Variants in NFIC observed in about 807,000 individuals in gnomAD.
The protein encoded by NFIC is nuclear factor 1 C-type.
Under a neutral mutation model 54.4 loss-of-function variants are expected in NFIC, and 12 were observed. The observed-to-expected ratio is 0.22, with a 90% CI of 0.14 to 0.36. NFIC has a LOEUF of 0.36. Among genes scored for constraint, NFIC ranks in the 10% least tolerant of loss-of-function variants. The probability of loss-of-function intolerance (pLI) is 1.00; values close to 1 mark genes in which losing one functional copy is unlikely to be tolerated. For missense variants in NFIC, 575 were observed against 718.2 expected (o/e 0.80, Z 2.28); for synonymous variants, 322 against 319.2 (o/e 1.01, Z -0.09).
chr19:3,447,992 CCGCCTGGGTT>C (rs2082398136), intron 6 of NFIC, among the ~76,000 whole-genome samples: 1 of 152,238 alleles, frequency 6.6e-6, no homozygotes, highest in African/African-American at 2.4e-5. Context: ...GCAACCTCTG[CCGCCTGGGTT>C]CAAGCGATTC....
At chr19:3,402,126 A>G (rs745389137) in intron 2 of NFIC, among the ~76,000 whole-genome samples, 3 of 151,666 alleles carry the variant, frequency 2.0e-5, no homozygotes, top group Non-Finnish European at 4.4e-5. Flanking sequence ...GCTGACTGCA[A>G]CCTCCGCCTC....
intron 7 of NFIC, among the ~76,000 whole-genome samples, chr19:3,449,970 G>A (rs941219064): frequency 2.6e-5 from 4 of 151,804 alleles, no homozygotes; most frequent in Admixed American, 2.6e-4. Context: ...CAGGAGAATC[G>A]CTTGAACCCA....
At chr19:3,429,248 ATATATACACACACACAC>A (rs1425922964) in intron 3 of NFIC, among the ~76,000 whole-genome samples, 2 of 60,220 alleles carry the variant, frequency 3.3e-5, no homozygotes, top group East Asian at 1.7e-3. Flanking sequence ...AAAAAAAAAA[ATATATACACACACACAC>A]ACACACACAC....
chr19:3,448,996 G>A lies in NFIC; in HGVS notation c.959-18G>A, dbSNP rs750847323. 28 of 1,608,500 alleles carry A rather than the reference G, an allele frequency of 1.7e-5. No individual in the cohort carries two copies. The highest frequency in any genetic ancestry group is 1.5e-4 in the African/African-American group (11 of 74,764). ...GGTGTGACCAGCCTGTGACTCTCTC[G>A]TCCCATCCCCTCCACAGGCATCTCG... On this transcript the variant is annotated intron_variant, in intron 6 of 10. Coordinates refer to ENST00000443272, the MANE Select transcript of NFIC (RefSeq NM_001245002.2).
At chr19:3,421,181 G>A (rs961826874) in intron 2 of NFIC, among the ~76,000 whole-genome samples, 1 of 152,346 alleles carries the variant, frequency 6.6e-6, no homozygotes, top group Admixed American at 6.5e-5. Flanking sequence ...GAGCCACCGT[G>A]GGGCCTGACA....
chr19:3,366,641 A>G lies in NFIC; in HGVS notation c.5A>G (p.Tyr2Cys), dbSNP rs2080891054. Residue 2 changes from tyrosine to cysteine, a missense_variant, in exon 1 of 11, where the codon TAT becomes TGT. Around this residue, in one of 3 missense-constraint regions of NFIC, gnomAD observed 122 missense variants for 158.0 expected, o/e 0.77. Coordinates refer to ENST00000443272, the MANE Select transcript of NFIC (RefSeq NM_001245002.2). M[Y>C]SSPLCLTQDE... ...GCGCCTCCCGCCGCGCCCGGGATGT[A>G]TTCGTCCCCGCTCTGCCTCACCCAG... 6.7e-7 allele frequency: 1 copy of G among 1,495,068 alleles called. No individual in the cohort carries two copies. 92.6% of individuals were successfully genotyped at this position (1,495,068 alleles called of 1,614,324 possible). A position where few individuals can be genotyped will look rare whatever the true frequency, so the allele number is the denominator to read the frequency against.
chr19:3,409,292 C>G (rs2081709963), intron 2 of NFIC, among the ~76,000 whole-genome samples: 1 of 152,206 alleles, frequency 6.6e-6, no homozygotes, highest in Non-Finnish European at 1.5e-5. Context: ...CACCCCAGCT[C>G]TCCACATGGC....
At chr19:3,372,316 C>A (rs1046667712) in intron 1 of NFIC, among the ~76,000 whole-genome samples, 1 of 152,132 alleles carries the variant, frequency 6.6e-6, no homozygotes, top group Non-Finnish European at 1.5e-5. Context: ...CCACCGTGCC[C>A]GGCCTCTGTT....
intron 2 of NFIC, among the ~76,000 whole-genome samples, chr19:3,391,617 C>G (rs189489028): frequency 0.027 from 4,146 of 151,932 alleles, 193 homozygotes; most frequent in African/African-American, 0.095. Flanking sequence ...GCCAATATGG[C>G]AAAACCCCGT....
rs984840946 is a variant in NFIC at position 3,463,090 on chromosome 19, C to G, written c.*321C>G. 4 of 1,269,992 alleles carry G rather than the reference C, an allele frequency of 3.1e-6. No individual in the cohort carries two copies. In the South Asian group the frequency reaches 6.0e-5, roughly 19 times the overall value. The allele number at this position is 1,269,992 out of a possible 1,614,324, so 78.7% of individuals were successfully genotyped here. A position where few individuals can be genotyped will look rare whatever the true frequency, so the allele number is the denominator to read the frequency against. On this transcript the variant is annotated 3_prime_UTR_variant, in exon 11 of 11. Transcript: ENST00000443272. ...GGCCCCGCCACCCCCACGGGAGACC[C>G]GGGACAGGGCGTCTTCCTAAGTTAT...
At chr19:3,384,047 G>GTTTTT (rs1568410454) in intron 2 of NFIC, among the ~76,000 whole-genome samples, 1 of 137,306 alleles carries the variant, frequency 7.3e-6, no homozygotes, top group African/African-American at 2.8e-5. Flanking sequence ...GAGTTACCCA[G>GTTTTT]TGTTTTTTTT....
intron 2 of NFIC, among the ~76,000 whole-genome samples, chr19:3,404,278 C>T (rs980297443): frequency 1.9e-4 from 29 of 152,210 alleles, no homozygotes; most frequent in African/African-American, 3.6e-4. Flanking sequence ...TCCACTCCCC[C>T]CCACCCCGGG....
upstream of NFIC, among the ~76,000 whole-genome samples, chr19:3,366,059 C>T (rs1379688679): frequency 6.6e-6 from 1 of 151,140 alleles, no homozygotes; most frequent in African/African-American, 2.4e-5. Flanking sequence ...GCTCTTTCCT[C>T]CAACTTCCCG....
chr19:3,417,726 C>T (rs1397161742), intron 2 of NFIC, among the ~76,000 whole-genome samples: 2 of 148,988 alleles, frequency 1.3e-5, no homozygotes, highest in Non-Finnish European at 3.0e-5. Flanking sequence ...CCCGGGTTCA[C>T]GCCATTCTCC....
intron 2 of NFIC, among the ~76,000 whole-genome samples, chr19:3,385,639 C>T (rs2081285522): frequency 7.0e-6 from 1 of 142,120 alleles, no homozygotes; most frequent in Non-Finnish European, 1.5e-5. Flanking sequence ...ATGACGCAAT[C>T]TTGGCTCACT....
At chr19:3,361,569 G>A (rs1422150815), upstream of NFIC, among the ~76,000 whole-genome samples, 2 of 144,562 alleles carry the variant, frequency 1.4e-5, no homozygotes, top group Non-Finnish European at 3.0e-5. Context: ...GGTCTCTCTC[G>A]CTTTCTTCTT....
At chr19:3,403,746 G>A (rs986304581) in intron 2 of NFIC, among the ~76,000 whole-genome samples, 1 of 152,138 alleles carries the variant, frequency 6.6e-6, no homozygotes, top group Non-Finnish European at 1.5e-5. Flanking sequence ...CGGACTCCCC[G>A]CGGGCTGCCC....
At chr19:3,393,611 T>C (rs2145510252) in intron 2 of NFIC, among the ~76,000 whole-genome samples, 1 of 151,726 alleles carries the variant, frequency 6.6e-6, no homozygotes, top group African/African-American at 2.4e-5. Context: ...GGTCAGGATT[T>C]CAAGACCAGC....
Position 3,370,239 on chromosome 19 carries a change from C to T in NFIC, c.30+3573C>T, listed in dbSNP as rs936898860. Among the ~76,000 whole-genome samples, 2 of 152,136 alleles carry T rather than the reference C, an allele frequency of 1.3e-5. No homozygotes were observed. Among genetic ancestry groups the T allele is most frequent in the East Asian group, 1.9e-4 (1 of 5,188 alleles). On this transcript the variant is annotated intron_variant, in intron 1 of 10. Coordinates refer to ENST00000443272, the MANE Select transcript of NFIC (RefSeq NM_001245002.2). The surrounding 1 kb of genome is among the most constrained non-coding windows in gnomAD (Gnocchi z 5.2). ...CAGAGCTGGGGTTCAGGCCATTTTC[C>T]ATCTGGCGGCTTGGGCAGGTGGGCG...
Sources: allele counts gnomAD v4.1 joint callset (sites outside exome capture counted in the v4.1 genomes callset), GRCh38; gene constraint gnomAD v4.1.1; regional missense constraint gnomAD v4.1.1; non-coding constraint Gnocchi (gnomAD v3.1); transcripts MANE v1.5; gene names NCBI Gene and HGNC (gene_info 2026-07-23, HGNC 2026-07-21).